The following PTPRD variants were observed in gnomAD, a reference collection of about 807,000 sequenced individuals.
PTPRD encodes the protein receptor-type tyrosine-protein phosphatase delta.
Under a neutral mutation model 214.5 loss-of-function variants are expected in PTPRD, and 34 were observed. The observed-to-expected ratio is 0.16, with a 90% confidence interval of 0.12 to 0.21. The LOEUF is 0.21. Ranked by LOEUF, PTPRD falls within the 10% of genes least tolerant of loss-of-function variation. PTPRD has a pLI of 1.00. For missense variants in PTPRD, 2,545 were observed against 2,398.7 expected (o/e 1.06, Z -1.27); for synonymous variants, 1,128 against 845.7 (o/e 1.33, Z -5.79).
At chr9:10,136,488 G>A (rs1040013128) in intron 3 of PTPRD, among the ~76,000 whole-genome samples, 3 of 152,018 alleles carry the variant, frequency 2.0e-5, no homozygotes. Flanking sequence ...TAATGATAAA[G>A]CAAGTCTAAA....
At chr9:9,471,204 T>C (rs1022868881) in intron 8 of PTPRD, among the ~76,000 whole-genome samples, 37 of 152,354 alleles carry the variant, frequency 2.4e-4, no homozygotes, top group African/African-American at 8.9e-4. Context: ...TGACTACATT[T>C]GTGTGCATCT....
chr9:9,821,160 T>C (rs1173602071), intron 5 of PTPRD, among the ~76,000 whole-genome samples: 1 of 152,086 alleles, frequency 6.6e-6, no homozygotes, highest in African/African-American at 2.4e-5. Flanking sequence ...AGTATTTTTG[T>C]GTGTATACGT....
intron 3 of PTPRD, among the ~76,000 whole-genome samples, chr9:10,058,448 C>T (rs2097699181): frequency 6.6e-6 from 1 of 151,984 alleles, no homozygotes; most frequent in Non-Finnish European, 1.5e-5. Context: ...ATGTATACTC[C>T]AGACAATTTA....
chr9:9,964,413 T>C (rs958161008), intron 4 of PTPRD, among the ~76,000 whole-genome samples: 1 of 152,192 alleles, frequency 6.6e-6, no homozygotes, highest in African/African-American at 2.4e-5. Flanking sequence ...ATGAGAATGT[T>C]TTCTTTCCGT....
At chr9:9,429,385 G>A (rs1346218882) in intron 8 of PTPRD, among the ~76,000 whole-genome samples, 1 of 152,112 alleles carries the variant, frequency 6.6e-6, no homozygotes, top group East Asian at 1.9e-4. Context: ...CCAATAGCAG[G>A]CTCTGAAATT....
At chr9:8,862,822 A>C (rs1301789356) in intron 11 of PTPRD, among the ~76,000 whole-genome samples, 1 of 152,184 alleles carries the variant, frequency 6.6e-6, no homozygotes, top group Non-Finnish European at 1.5e-5. Flanking sequence ...CGCAAGAACA[A>C]AAAAGCAAAC....
intron 2 of PTPRD, among the ~76,000 whole-genome samples, chr9:10,562,588 A>G (rs1391753173): frequency 6.6e-6 from 1 of 152,150 alleles, no homozygotes; most frequent in Non-Finnish European, 1.5e-5. Flanking sequence ...TCACATAAAT[A>G]TGAGTACATG....
intron 8 of PTPRD, among the ~76,000 whole-genome samples, chr9:9,510,761 C>T (rs935251314): frequency 4.6e-5 from 7 of 151,438 alleles, no homozygotes; most frequent in African/African-American, 1.7e-4. Flanking sequence ...CCTTGATTTA[C>T]CACCTCATTA....
chr9:10,543,507 A>AC (rs1333500511), intron 2 of PTPRD, among the ~76,000 whole-genome samples: 7 of 68,374 alleles, frequency 1.0e-4, no homozygotes, highest in African/African-American at 1.8e-4. Flanking sequence ...CACACACACA[A>AC]ACACACACAC....
intron 9 of PTPRD, among the ~76,000 whole-genome samples, chr9:9,265,411 A>C (rs1032165013): frequency 1.3e-5 from 2 of 151,176 alleles, no homozygotes; most frequent in South Asian, 2.1e-4. Flanking sequence ...ATACCACCAC[A>C]CCTAGCGTTT....
At chr9:10,386,392 C>G in intron 2 of PTPRD, among the ~76,000 whole-genome samples, 1 of 151,820 alleles carries the variant, frequency 6.6e-6, no homozygotes, top group East Asian at 1.9e-4. Context: ...CTATATTTAT[C>G]TCTTCCTCCA....
At chr9:8,389,529 T>C (rs2088641947) in intron 36 of PTPRD, 122 bp from the exon 37 acceptor site, 5 of 663,526 alleles carry the variant, frequency 7.5e-6, no homozygotes, top group Non-Finnish European at 1.2e-5. Context: ...TCACAATATA[T>C]TGAAGGTCGG....
chr9:8,892,586 T>C (rs1394090189), intron 11 of PTPRD, among the ~76,000 whole-genome samples: 1 of 149,700 alleles, frequency 6.7e-6, no homozygotes, highest in Non-Finnish European at 1.5e-5. Flanking sequence ...TATGTGTGTA[T>C]ATATATGTGT....
intron 8 of PTPRD, among the ~76,000 whole-genome samples, chr9:9,511,017 G>A (rs911737660): frequency 1.3e-5 from 2 of 151,656 alleles, no homozygotes; most frequent in African/African-American, 4.8e-5. Context: ...TAATGAAGTC[G>A]AGCAAAATAT....
In PTPRD at chr9:9,134,806, C is replaced by CGTGT. The variant is rs142357379; in HGVS notation, c.-143+48494_-143+48497dup. On this transcript the variant is annotated intron_variant, in intron 10 of 45. Coordinates refer to ENST00000381196, the MANE Select transcript of PTPRD (RefSeq NM_002839.4). ...TCCTTGAAATCTGGTATTTGGAGTG[C>CGTGT]GTGTGTGTGTGTGTGTGTTTTCACT... is the stretch of plus-strand genomic sequence containing the variant. Among the ~76,000 whole-genome samples, 917 of 150,670 alleles carry CGTGT rather than the reference C, an allele frequency of 6.1e-3. 9 individuals are homozygous for CGTGT. Among genetic ancestry groups the CGTGT allele is most frequent in the African/African-American group, 0.021 (854 of 41,100 alleles).
intron 10 of PTPRD, among the ~76,000 whole-genome samples, chr9:9,094,102 C>G (rs1045364708): frequency 2.6e-5 from 4 of 152,150 alleles, no homozygotes; most frequent in African/African-American, 9.7e-5. Context: ...AGTACCAATG[C>G]TCACTCAAGT....
At chr9:9,986,675 G>A (rs910647243) in intron 4 of PTPRD, among the ~76,000 whole-genome samples, 1 of 151,994 alleles carries the variant, frequency 6.6e-6, no homozygotes, top group African/African-American at 2.4e-5. Context: ...TTTATGTTAA[G>A]GAAGAAGGCA....
intron 43 of PTPRD, among the ~76,000 whole-genome samples, chr9:8,338,629 A>C (rs1460121503): frequency 6.6e-6 from 1 of 152,136 alleles, no homozygotes; most frequent in Non-Finnish European, 1.5e-5. Flanking sequence ...AAGCACAGCC[A>C]ACCAATCAGT....
rs993838380 is a variant in PTPRD at position 10,229,251 on chromosome 9, G to C, written c.-545+111712C>G. ...AAATAGGAACACTTTTACACTGTTGGCGGGACTGTAAACTAGTTCAATCAT... is the reference window on the plus strand; with the variant it reads ...AAATAGGAACACTTTTACACTGTTGCCGGGACTGTAAACTAGTTCAATCAT... On this transcript the variant is annotated intron_variant, in intron 3 of 45. Coordinates refer to ENST00000381196, the MANE Select transcript of PTPRD (RefSeq NM_002839.4). Among the ~76,000 whole-genome samples the C allele has an allele frequency of 1.5e-4, 23 of 152,160 alleles. No homozygotes were observed. The East Asian group carries it at 1.6e-3, about 10-fold the overall frequency.
Sources: gnomAD v4.1 joint callset for allele counts (sites outside exome capture counted in the v4.1 genomes callset) on GRCh38, gnomAD v4.1.1 for gene constraint, MANE v1.5 for transcripts, NCBI Gene and HGNC (gene_info 2026-07-23, HGNC 2026-07-21) for gene names.